PPP4R2: variants seen among roughly 807,000 people sequenced by gnomAD.
PPP4R2 encodes the protein serine/threonine-protein phosphatase 4 regulatory subunit 2.
Under a neutral mutation model 47.2 loss-of-function variants are expected in PPP4R2, and 13 were observed. The ratio of observed to expected loss-of-function variants is 0.28; its 90% CI spans 0.18 to 0.44. PPP4R2 has a LOEUF of 0.44. Among genes scored for constraint, PPP4R2 ranks in the 20% least tolerant of loss-of-function variants. The pLI is 1.00. For synonymous variants in PPP4R2, 151 were observed against 163.3 expected (o/e 0.92, Z 0.57); for missense variants, 421 against 491.2 (o/e 0.86, Z 1.35).
chr3:73,015,077 T>C, intron 2 of PPP4R2: 2 of 467,460 alleles, frequency 4.3e-6, no homozygotes, highest in Admixed American at 3.6e-5. Flanking sequence ...ATTTAGGATA[T>C]AGGAAGAAAA....
intron 2 of PPP4R2, among the ~76,000 whole-genome samples, chr3:73,027,063 G>A (rs1275977617): frequency 2.0e-5 from 3 of 152,150 alleles, no homozygotes; most frequent in African/African-American, 7.2e-5. Context: ...ACAGTACCTG[G>A]CATTTGTGAT....
At chr3:73,054,636 G>T (rs1702692282) in intron 3 of PPP4R2, among the ~76,000 whole-genome samples, 1 of 152,090 alleles carries the variant, frequency 6.6e-6, no homozygotes, top group Admixed American at 6.6e-5. Context: ...TAGGATGTCA[G>T]ATTTTTATGG....
intron 2 of PPP4R2, among the ~76,000 whole-genome samples, chr3:73,017,078 T>A (rs989201967): frequency 6.6e-6 from 1 of 152,086 alleles, no homozygotes; most frequent in Non-Finnish European, 1.5e-5. Context: ...CTGCTTGCTT[T>A]GGCCTCCCAG....
At chr3:73,021,848 A>C (rs9814070) in intron 2 of PPP4R2, among the ~76,000 whole-genome samples, 3 of 130,968 alleles carry the variant, frequency 2.3e-5, no homozygotes, top group African/African-American at 8.8e-5. Context: ...ACATTTCTAT[A>C]TGTGTGTGTG....
intron 2 of PPP4R2, among the ~76,000 whole-genome samples, chr3:73,004,432 A>G (rs1456468364): frequency 1.3e-5 from 2 of 151,988 alleles, no homozygotes; most frequent in Non-Finnish European, 2.9e-5. Context: ...TGTTAATTCT[A>G]TTGTTTCCCC....
At position 73,063,654 on chromosome 3, in the gene PPP4R2, G is replaced by A. The variant is rs1351266161; in HGVS notation, c.420-19G>A. ...AAAAAAAATTAAGTCATCCACAAGT[G>A]TATTTTCTTTTCTTATAGGAAAAAC... On this transcript the variant is annotated intron_variant, in intron 5 of 8. Transcript: ENST00000356692. The A allele has an allele frequency of 1.4e-6, 2 of 1,447,720 alleles. No homozygotes were observed. Among genetic ancestry groups the A allele is most frequent in the Non-Finnish European group, 1.9e-6 (2 of 1,030,822 alleles). The allele number at this position is 1,447,720 out of a possible 1,614,324, so 89.7% of individuals were successfully genotyped here. A position where few individuals can be genotyped will look rare whatever the true frequency, so the allele number is the denominator to read the frequency against.
At chr3:73,049,424 AG>A (rs1170447416) in intron 3 of PPP4R2, among the ~76,000 whole-genome samples, 3 of 152,094 alleles carry the variant, frequency 2.0e-5, no homozygotes, top group Admixed American at 1.3e-4. Context: ...GGGTGAACCC[AG>A]GAGGCAGAGC....
At chr3:73,038,916 C>G (rs1030127214) in intron 2 of PPP4R2, among the ~76,000 whole-genome samples, 2 of 152,114 alleles carry the variant, frequency 1.3e-5, no homozygotes, top group African/African-American at 4.8e-5. Flanking sequence ...ATGTGTACAA[C>G]CATTTAGCAC....
intron 2 of PPP4R2, among the ~76,000 whole-genome samples, chr3:73,026,949 C>T (rs1014840445): frequency 5.3e-5 from 8 of 152,114 alleles, no homozygotes; most frequent in African/African-American, 1.7e-4. Flanking sequence ...GTTTATTTAA[C>T]CTGTTTCGAA....
intron 2 of PPP4R2, among the ~76,000 whole-genome samples, chr3:73,012,366 C>G (rs906604282): frequency 6.6e-6 from 1 of 152,172 alleles, no homozygotes; most frequent in Non-Finnish European, 1.5e-5. Context: ...GCGGCGCAAT[C>G]TCAGCTCACT....
At chr3:73,060,271 G>T (rs556691828) in intron 4 of PPP4R2, among the ~76,000 whole-genome samples, 21 of 152,314 alleles carry the variant, frequency 1.4e-4, no homozygotes, top group South Asian at 6.2e-4. Context: ...CAAAGGCCAG[G>T]AAACTGAGAT....
At chr3:73,029,291 A>G (rs994018771) in intron 2 of PPP4R2, among the ~76,000 whole-genome samples, 1 of 152,224 alleles carries the variant, frequency 6.6e-6, no homozygotes, top group African/African-American at 2.4e-5. Context: ...CTTAAGCATT[A>G]AAAGAATTGT....
intron 2 of PPP4R2, among the ~76,000 whole-genome samples, chr3:73,028,867 G>T (rs1020618723): frequency 2.0e-5 from 3 of 152,170 alleles, no homozygotes; most frequent in African/African-American, 7.2e-5. Context: ...GAGGTAAAGG[G>T]AATGGGGGAA....
At chr3:73,015,684 C>G in intron 2 of PPP4R2, 1 of 242,268 alleles carries the variant, frequency 4.1e-6, no homozygotes, top group Non-Finnish European at 8.5e-6. Flanking sequence ...GTCGCCCAGA[C>G]TGGAGTGCAG....
intron 2 of PPP4R2, among the ~76,000 whole-genome samples, chr3:72,998,864 A>G (rs1049654583): frequency 9.2e-5 from 14 of 152,080 alleles, no homozygotes; most frequent in African/African-American, 2.9e-4. Context: ...ACAACAGTGC[A>G]TCTTTGATGA....
intron 2 of PPP4R2, chr3:73,027,960 T>TTTA (rs1702098726): frequency 6.8e-6 from 1 of 146,266 alleles, no homozygotes; most frequent in African/African-American, 2.6e-5. Flanking sequence ...TTTTTTTTTT[T>TTTA]AAGAGACGGG....
At chr3:72,997,840 G>A (rs976299743) in intron 1 of PPP4R2, among the ~76,000 whole-genome samples, 2 of 152,146 alleles carry the variant, frequency 1.3e-5, no homozygotes, top group African/African-American at 4.8e-5. Context: ...GAAGCACTGC[G>A]TTAAAAATGG....
At chr3:73,063,226 C>T (rs75091432) in intron 5 of PPP4R2, 8,434 of 339,360 alleles carry the variant, frequency 0.025, 704 homozygotes, top group African/African-American at 0.18. Context: ...CCCTTTGCTT[C>T]AAATGGCATC....
chr3:73,004,195 T>C (rs1379338040), intron 2 of PPP4R2, among the ~76,000 whole-genome samples: 1 of 142,640 alleles, frequency 7.0e-6, no homozygotes, highest in Non-Finnish European at 1.5e-5. Flanking sequence ...TTTTTTTTTT[T>C]GCCCCCCTTT....
Sources: allele counts gnomAD v4.1 joint callset (sites outside exome capture counted in the v4.1 genomes callset), GRCh38; gene constraint gnomAD v4.1.1; transcripts MANE v1.5; gene names NCBI Gene and HGNC (gene_info 2026-07-23, HGNC 2026-07-21).